The following GALNT10 variants were observed in gnomAD, a reference collection of about 807,000 sequenced individuals.
The protein encoded by GALNT10 is polypeptide N-acetylgalactosaminyltransferase 10.
GALNT10 carries 41 observed loss-of-function variants against 75.0 expected under a neutral mutation model. The ratio of observed to expected loss-of-function variants is 0.55; its 90% CI spans 0.43 to 0.71. The LOEUF (loss-of-function observed/expected upper bound fraction) is 0.71. Among genes scored for constraint, GALNT10 ranks in the 30% least tolerant of loss-of-function variants. The pLI is 0.00. For missense variants in GALNT10, 727 were observed against 818.5 expected, an observed-to-expected ratio of 0.89 and a Z score of 1.36; for synonymous variants, 302 against 313.0, an observed-to-expected ratio of 0.96 and a Z score of 0.37.
chr5:154,366,172 G>A (rs1755470865), intron 4 of GALNT10, among the ~76,000 whole-genome samples: 1 of 152,218 alleles, frequency 6.6e-6, no homozygotes, highest in Non-Finnish European at 1.5e-5. Context: ...TTACAAGTGT[G>A]AGCATTTGGC....
At position 154,344,401 on chromosome 5, in the gene GALNT10, A is replaced by G. The variant is rs543066352; in HGVS notation, c.568+14663A>G. 9.2e-5 allele frequency among the ~76,000 whole-genome samples: 14 copies of G among 151,932 alleles called. No homozygotes were observed. The East Asian group carries it at 2.7e-3, about 30-fold the overall frequency. On this transcript the variant is annotated intron_variant, in intron 4 of 11. Coordinates refer to ENST00000297107, the MANE Select transcript of GALNT10 (RefSeq NM_198321.4). ...TAATTTTTGCATTTTTAATAGAAAC[A>G]GGGTTTCACTATGTTGGCCAGGATG...
At chr5:154,351,297 T>G (rs1755201099) in intron 4 of GALNT10, among the ~76,000 whole-genome samples, 1 of 152,244 alleles carries the variant, frequency 6.6e-6, no homozygotes, top group Admixed American at 6.5e-5. Flanking sequence ...GGATTTGAAC[T>G]TGGCAGCTGA....
At chr5:154,247,527 A>G (rs1265487838) in intron 1 of GALNT10, among the ~76,000 whole-genome samples, 1 of 152,170 alleles carries the variant, frequency 6.6e-6, no homozygotes, top group African/African-American at 2.4e-5. Context: ...GGTCCTTCAC[A>G]TCCTTGTAAG....
chr5:154,414,019 G>A (rs891116866), intron 10 of GALNT10, among the ~76,000 whole-genome samples: 2 of 151,952 alleles, frequency 1.3e-5, no homozygotes, highest in African/African-American at 4.8e-5. Context: ...ATATATGAAT[G>A]GCAAATAAAC....
At chr5:154,317,905 T>C (rs1306013528) in intron 3 of GALNT10, among the ~76,000 whole-genome samples, 1 of 152,214 alleles carries the variant, frequency 6.6e-6, no homozygotes, top group Non-Finnish European at 1.5e-5. Context: ...TCTGTTAACT[T>C]CATTCTGAGG....
chr5:154,303,444 A>G (rs776740246), intron 3 of GALNT10, among the ~76,000 whole-genome samples: 20 of 152,214 alleles, frequency 1.3e-4, no homozygotes, highest in Non-Finnish European at 2.8e-4. Flanking sequence ...CACTCAGTGG[A>G]TTATTGATCA....
chr5:154,233,271 C>T (rs954126048), intron 1 of GALNT10, among the ~76,000 whole-genome samples: 4 of 152,008 alleles, frequency 2.6e-5, no homozygotes, highest in South Asian at 2.1e-4. Flanking sequence ...TTTTCTGTAG[C>T]GGGGTTGTAT....
chr5:154,267,875 C>T (rs1031206583), intron 1 of GALNT10, among the ~76,000 whole-genome samples: 1 of 152,008 alleles, frequency 6.6e-6, no homozygotes, highest in Non-Finnish European at 1.5e-5. Context: ...AACTTGACAC[C>T]TCTAGTTTGT....
intron 1 of GALNT10, among the ~76,000 whole-genome samples, chr5:154,285,229 C>T (rs1253186250): frequency 6.6e-6 from 1 of 152,134 alleles, no homozygotes; most frequent in Non-Finnish European, 1.5e-5. Context: ...CCTCCAGGGA[C>T]ACTGTGAGGG....
chr5:154,297,971 T>A lies in GALNT10; in HGVS notation c.293T>A (p.Met98Lys). 1 of 1,613,906 alleles carries A rather than the reference T, an allele frequency of 6.2e-7. No homozygotes were observed. The highest frequency in any genetic ancestry group is 8.5e-7 in the Non-Finnish European group (1 of 1,179,816). The change falls in exon 3 of 12, where the codon ATG becomes AAG. Residue 98 changes from methionine (M) to lysine (K), a missense_variant. Physicochemically the swap from Met to Lys is moderately conservative, Grantham distance 95 (BLOSUM62 -1). Coordinates refer to ENST00000297107, the MANE Select transcript of GALNT10 (RefSeq NM_198321.4). ...GNGEQGRPYPMTDAERVDQAY... is the reference protein window; with the variant it reads ...GNGEQGRPYPKTDAERVDQAY... Reference sequence around the variant, plus strand: ...GGAGAACAAGGAAGACCTTACCCCATGACCGATGCTGAGAGAGTGGATCAG... The same window carrying A: ...GGAGAACAAGGAAGACCTTACCCCAAGACCGATGCTGAGAGAGTGGATCAG...
intron 3 of GALNT10, among the ~76,000 whole-genome samples, chr5:154,314,117 A>T (rs1754564785): frequency 6.6e-6 from 1 of 152,196 alleles, no homozygotes; most frequent in South Asian, 2.1e-4. Flanking sequence ...TACATTCCAG[A>T]TGCTGTACCA....
chr5:154,338,488 C>T, intron 4 of GALNT10: 1 of 240,998 alleles, frequency 4.1e-6, no homozygotes, highest in Non-Finnish European at 8.2e-6. Flanking sequence ...GGTGCTTCCT[C>T]AGTGGCGCCC....
chr5:154,194,037 C>A (rs1214041487), intron 1 of GALNT10, among the ~76,000 whole-genome samples: 1 of 152,196 alleles, frequency 6.6e-6, no homozygotes, highest in East Asian at 1.9e-4. Flanking sequence ...TGTTTAACAT[C>A]TTGGTTTAAT....
chr5:154,212,923 G>A lies in GALNT10; in HGVS notation c.159+21898G>A, dbSNP rs1261580473. On this transcript the variant is annotated intron_variant, in intron 1 of 11. Transcript: ENST00000297107. ...GCGGAGCTTGCAGTGAGCGGAGATC[G>A]CGCCACTGCTCTCCAGCCTGGGCGA... Among the ~76,000 whole-genome samples the A allele has an allele frequency of 4.0e-5, 6 of 149,970 alleles. No homozygotes were observed. The East Asian group carries it at 7.9e-4, about 20-fold the overall frequency.
chr5:154,377,539 G>A (rs2113174379), intron 5 of GALNT10, among the ~76,000 whole-genome samples: 1 of 152,320 alleles, frequency 6.6e-6, no homozygotes. Flanking sequence ...AGCCTCACAA[G>A]TTGCATGTCT....
At chr5:154,293,613 A>ATATATATTTTTTTTTTTTTTT in intron 1 of GALNT10, among the ~76,000 whole-genome samples, 3 of 109,358 alleles carry the variant, frequency 2.7e-5, no homozygotes, top group African/African-American at 1.3e-4. Flanking sequence ...ATATATATAT[A>ATATATATTTTTTTTTTTTTTT]TTTTTTTTTT....
chr5:154,203,724 A>G (rs1775062704), intron 1 of GALNT10, among the ~76,000 whole-genome samples: 1 of 152,184 alleles, frequency 6.6e-6, no homozygotes, highest in South Asian at 2.1e-4. Flanking sequence ...TTGTTGAAGG[A>G]GGCTTCCTAG....
chr5:154,332,791 G>A (rs1250956051), intron 4 of GALNT10, among the ~76,000 whole-genome samples: 6 of 152,148 alleles, frequency 3.9e-5, no homozygotes, highest in African/African-American at 1.4e-4. Context: ...GTGCTGGCCC[G>A]CATCTGTGTT....
intron 7 of GALNT10, among the ~76,000 whole-genome samples, chr5:154,393,175 G>A (rs1449190787): frequency 1.3e-5 from 2 of 151,628 alleles, no homozygotes; most frequent in African/African-American, 4.8e-5. Context: ...CAGGGCTCGA[G>A]CAGTTGTCCC....
Sources: allele counts gnomAD v4.1 joint callset (sites outside exome capture counted in the v4.1 genomes callset), GRCh38; gene constraint gnomAD v4.1.1; transcripts MANE v1.5; gene names NCBI Gene and HGNC (gene_info 2026-07-23, HGNC 2026-07-21).